Variants in FRAS1 observed in about 807,000 individuals in gnomAD.
FRAS1 encodes extracellular matrix organizing protein FRAS1.
A neutral mutation model predicts 435.2 loss-of-function variants in FRAS1; 290 were observed. The observed-to-expected ratio is 0.67, with a 90% CI of 0.61 to 0.73. FRAS1 has a LOEUF of 0.73. Ranked by LOEUF, FRAS1 falls within the 30% of genes least tolerant of loss-of-function variation. The pLI is 0.00. For missense variants in FRAS1, 4,860 were observed against 5,001.5 expected (o/e 0.97, Z 0.85); for synonymous variants, 1,800 against 1,851.0 (o/e 0.97, Z 0.71).
chr4:78,337,734 AC>A lies in FRAS1; in HGVS notation c.2342del (p.Pro781LeufsTer189). 6.2e-7 allele frequency: 1 copy of A among 1,613,776 alleles called. No homozygotes were observed. Among genetic ancestry groups the A allele is most frequent in the South Asian group, 1.1e-5 (1 of 91,054 alleles). ...GPLESDCISC[Y>X]PHISLTNGNC... ...TTGGAGTCTGACTGCATCTCCTGTT[AC>A]CCTCACATCTCTCTTACCAATGGTA... On this transcript the variant is annotated frameshift_variant, in exon 20 of 74. Coordinates refer to ENST00000512123, the MANE Select transcript of FRAS1 (RefSeq NM_025074.7). LOFTEE classifies it high-confidence loss of function.
chr4:78,444,039 G>A (rs1718689384), intron 41 of FRAS1: 2 of 355,168 alleles, frequency 5.6e-6, no homozygotes. Flanking sequence ...AATTTTTGTA[G>A]AGACAGGGTC....
chr4:78,225,401 G>A (rs1724226285), intron 2 of FRAS1, among the ~76,000 whole-genome samples: 4 of 152,180 alleles, frequency 2.6e-5, no homozygotes, highest in Admixed American at 2.0e-4. Flanking sequence ...GGAGGAACCA[G>A]AGGCCCAGGG....
intron 2 of FRAS1, among the ~76,000 whole-genome samples, chr4:78,112,892 A>G (rs534365657): frequency 1.3e-5 from 2 of 152,192 alleles, no homozygotes; most frequent in African/African-American, 4.8e-5. Flanking sequence ...TTTGTTTCAT[A>G]TGTATACATG....
chr4:78,474,946 A>T (rs1719813373), intron 53 of FRAS1, among the ~76,000 whole-genome samples: 1 of 152,198 alleles, frequency 6.6e-6, no homozygotes, highest in Non-Finnish European at 1.5e-5. Context: ...CATCTCTGTT[A>T]TGTAGGCTTA....
chr4:78,133,906 T>C (rs537180755), intron 2 of FRAS1, among the ~76,000 whole-genome samples: 1 of 152,100 alleles, frequency 6.6e-6, no homozygotes, highest in Admixed American at 6.5e-5. Flanking sequence ...GAATCCTCAG[T>C]ATATACCTAT....
intron 58 of FRAS1, among the ~76,000 whole-genome samples, chr4:78,488,147 G>A (rs752075766): frequency 1.5e-3 from 230 of 152,178 alleles, no homozygotes; most frequent in Non-Finnish European, 2.3e-3. Flanking sequence ...AAAAAGAAGA[G>A]TCATCTATAG....
At chr4:78,255,408 C>A (rs76631982) in intron 6 of FRAS1, 33 bp downstream of exon 6, 2 of 1,554,320 alleles carry the variant, frequency 1.3e-6, no homozygotes, top group Non-Finnish European at 1.7e-6. Context: ...GCAGCCTTCA[C>A]GGGCTATTGA....
chr4:78,415,445 G>A (rs892596086), intron 32 of FRAS1, among the ~76,000 whole-genome samples: 1 of 152,176 alleles, frequency 6.6e-6, no homozygotes, highest in Non-Finnish European at 1.5e-5. Flanking sequence ...TTCTAATTCA[G>A]TGGATCTGGT....
At chr4:78,117,894 A>T (rs767198069) in intron 2 of FRAS1, among the ~76,000 whole-genome samples, 1 of 152,158 alleles carries the variant, frequency 6.6e-6, no homozygotes, top group African/African-American at 2.4e-5. Context: ...CCTTTGGTGG[A>T]GGAGAGGTTG....
chr4:78,112,279 CA>C (rs1244687683), intron 2 of FRAS1, among the ~76,000 whole-genome samples: 1 of 152,082 alleles, frequency 6.6e-6, no homozygotes, highest in Non-Finnish European at 1.5e-5. Context: ...ATGAATAAAT[CA>C]ACAAATACAT....
intron 9 of FRAS1, among the ~76,000 whole-genome samples, chr4:78,268,824 A>G (rs1324891426): frequency 6.6e-6 from 1 of 152,182 alleles, no homozygotes; most frequent in East Asian, 1.9e-4. Flanking sequence ...GAATATGGGG[A>G]TTAGCTGCCA....
intron 47 of FRAS1, among the ~76,000 whole-genome samples, chr4:78,461,665 T>C (rs1239973049): frequency 6.6e-6 from 1 of 152,220 alleles, no homozygotes; most frequent in African/African-American, 2.4e-5. Context: ...AAAATGGTAC[T>C]ACCACCTTGG....
chr4:78,117,658 G>C (rs564472702), intron 2 of FRAS1, among the ~76,000 whole-genome samples: 4 of 152,034 alleles, frequency 2.6e-5, no homozygotes, highest in East Asian at 3.9e-4. Context: ...TGTAGTTCTC[G>C]TGCCATGGTT....
intron 2 of FRAS1, among the ~76,000 whole-genome samples, chr4:78,073,909 A>G (rs7693725): frequency 0.012 from 1,879 of 152,294 alleles, 38 homozygotes; most frequent in African/African-American, 0.042. Flanking sequence ...AGTTTTATGT[A>G]AAAGAGGCAT....
intron 47 of FRAS1, among the ~76,000 whole-genome samples, chr4:78,460,835 A>C (rs939158069): frequency 6.6e-6 from 1 of 152,240 alleles, no homozygotes; most frequent in African/African-American, 2.4e-5. Context: ...CATTATATGC[A>C]GTCTGTAGTT....
chr4:78,538,488 G>A (rs1440748670), intron 72 of FRAS1, among the ~76,000 whole-genome samples: 3 of 152,166 alleles, frequency 2.0e-5, no homozygotes, highest in African/African-American at 7.2e-5. Context: ...TTCTCATGTT[G>A]CTAATGACAT....
chr4:78,304,073 T>A (rs1157469043), intron 14 of FRAS1, among the ~76,000 whole-genome samples: 1 of 151,314 alleles, frequency 6.6e-6, no homozygotes, highest in Non-Finnish European at 1.5e-5. Context: ...GAAGTGTTGT[T>A]GAATTTTGTC....
intron 2 of FRAS1, among the ~76,000 whole-genome samples, chr4:78,127,966 T>C (rs564084682): frequency 2.0e-5 from 3 of 146,414 alleles, no homozygotes; most frequent in South Asian, 2.3e-4. Context: ...TGTGTTCTCA[T>C]TGTTCGATTC....
Position 78,362,331 on chromosome 4 carries a change from C to T in FRAS1, c.2423-1182C>T, listed in dbSNP as rs536787723. 6.6e-5 allele frequency among the ~76,000 whole-genome samples: 10 copies of T among 152,328 alleles called. No individual in the cohort carries two copies. In the South Asian group the frequency reaches 2.1e-3, roughly 32 times the overall value. ...GTGAGAAGGAGCTTTGCAGAGGGCT[C>T]AGGAGCCCTGTTGATGCAGGATTTT... On this transcript the variant is annotated intron_variant, in intron 20 of 73. Transcript: ENST00000512123.
Sources: gnomAD v4.1 joint callset for allele counts (sites outside exome capture counted in the v4.1 genomes callset) on GRCh38, gnomAD v4.1.1 for gene constraint, MANE v1.5 for transcripts, NCBI Gene and HGNC (gene_info 2026-07-23, HGNC 2026-07-21) for gene names.